The following CAMTA1 variants were observed in gnomAD, a reference collection of about 807,000 sequenced individuals.
CAMTA1 encodes calmodulin-binding transcription activator 1.
Under a neutral mutation model 170.9 loss-of-function variants are expected in CAMTA1, and 27 were observed. The observed-to-expected ratio is 0.16, with a 90% confidence interval of 0.12 to 0.22. The LOEUF is 0.22. Among genes scored for constraint, CAMTA1 ranks in the 10% least tolerant of loss-of-function variants. The pLI is 1.00. For missense variants in CAMTA1, 1,619 were observed against 2,217.2 expected, an observed-to-expected ratio of 0.73 and a Z score of 5.42; for synonymous variants, 833 against 891.5, an observed-to-expected ratio of 0.93 and a Z score of 1.17.
chr1:7,766,269 A>G (rs2097023930), intron 22 of CAMTA1, among the ~76,000 whole-genome samples, 190 bp from the exon 23 acceptor site: 1 of 151,014 alleles, frequency 6.6e-6, no homozygotes, highest in African/African-American at 2.4e-5. Context: ...TTTTCACCTT[A>G]AGTAGGGTCA....
At position 7,164,948 on chromosome 1, in the gene CAMTA1, C is replaced by T. The variant is rs577520359; in HGVS notation, c.302+73577C>T. On this transcript the variant is annotated intron_variant, in intron 4 of 22. Transcript: ENST00000303635. ...AGTATCCTGCATTAGAATGCTCGTC[C>T]CTTTGTCCCTTTCGGAATTGTCACT... Among the ~76,000 whole-genome samples the T allele has an allele frequency of 1.5e-3, 232 of 152,316 alleles. 2 individuals are homozygous for T. Among genetic ancestry groups the T allele is most frequent in the Non-Finnish European group, 3.1e-4 (21 of 68,034 alleles).
At position 7,663,342 on chromosome 1, in the gene CAMTA1, G is replaced by C. The variant is rs200922493; in HGVS notation, c.806-11G>C. ...CGTGTGCGTGCGCGTGTTGTGTTCC[G>C]ATCTCCGCAGGAGCTGGCGGCAGCG... On this transcript the variant is annotated splice_polypyrimidine_tract_variant and intron_variant, in intron 8 of 22. Transcript: ENST00000303635. 4 of 1,519,308 alleles carry C rather than the reference G, an allele frequency of 2.6e-6. No homozygotes were observed. The highest frequency in any genetic ancestry group is 3.5e-6 in the Non-Finnish European group (4 of 1,132,132). 94.1% of individuals were successfully genotyped at this position (1,519,308 alleles called of 1,614,324 possible). A position where few individuals can be genotyped will look rare whatever the true frequency, so the allele number is the denominator to read the frequency against.
rs1054603658 is a variant in CAMTA1, at chr1:7,682,910, G to A, written c.2914+5177G>A. 1.3e-5 allele frequency among the ~76,000 whole-genome samples: 2 copies of A among 152,216 alleles called. No individual in the cohort carries two copies. The highest frequency in any genetic ancestry group is 2.4e-5 in the African/African-American group (1 of 41,466). ...GAGTTGGCTGGGTGCGGTGGCTCAC[G>A]CCTGTGATCCCAGCACTTTGGGAGG... is the stretch of plus-strand genomic sequence containing the variant. On this transcript the variant is annotated intron_variant, in intron 11 of 22. Transcript: ENST00000303635. The surrounding 1 kb of genome is among the most constrained non-coding windows in gnomAD (Gnocchi z 5.0).
At chr1:7,449,778 A>AAAG (rs1191888393) in intron 5 of CAMTA1, among the ~76,000 whole-genome samples, 1 of 151,148 alleles carries the variant, frequency 6.6e-6, no homozygotes, top group East Asian at 1.9e-4. Flanking sequence ...TCAAAAAAAA[A>AAAG]AAAAAAAAAA....
intron 4 of CAMTA1, among the ~76,000 whole-genome samples, chr1:7,175,635 C>A (rs1464841839): frequency 6.6e-6 from 1 of 152,258 alleles, no homozygotes; most frequent in Non-Finnish European, 1.5e-5. Flanking sequence ...AACCCCAGGT[C>A]CAAATCCTGC....
intron 4 of CAMTA1, among the ~76,000 whole-genome samples, chr1:7,226,765 ATAAC>A (rs1661766687): frequency 6.6e-6 from 1 of 151,442 alleles, no homozygotes; most frequent in Admixed American, 6.6e-5. Flanking sequence ...ATTTTTTCTA[ATAAC>A]TATCTACTAT....
At chr1:6,803,462 A>T (rs1196632845) in intron 1 of CAMTA1, among the ~76,000 whole-genome samples, 11 of 152,200 alleles carry the variant, frequency 7.2e-5, no homozygotes, top group Non-Finnish European at 4.4e-5. Context: ...AAACAAAATT[A>T]TAGAAGACAG....
rs759514197 is a variant in CAMTA1, at chr1:7,751,292, C to T, written c.4783C>T (p.Arg1595Trp). 15 of 1,612,584 alleles carry T rather than the reference C, an allele frequency of 9.3e-6. No individual in the cohort carries two copies. The highest frequency in any genetic ancestry group is 5.3e-5 in the African/African-American group (4 of 74,814). Residue 1595 changes from arginine (R) to tryptophan (W), a missense_variant, in exon 20 of 23, where the codon CGG (arginine) becomes TGG (tryptophan). Arg to Trp is a moderately radical substitution (Grantham distance 101, BLOSUM62 -3). Transcript: ENST00000303635. ...YEQKKFQQSR[R>W]AAVLIQKYYR... ...ACAAAAAAAATTCCAGCAGAGCCGACGGGCTGCTGTGCTCATCCAAAAGTA... is the reference window on the plus strand; with the variant it reads ...ACAAAAAAAATTCCAGCAGAGCCGATGGGCTGCTGTGCTCATCCAAAAGTA...
At chr1:7,000,519 C>T (rs1024107762) in intron 3 of CAMTA1, among the ~76,000 whole-genome samples, 2 of 152,282 alleles carry the variant, frequency 1.3e-5, no homozygotes, top group Admixed American at 6.5e-5. Context: ...GGAAAACAAG[C>T]AGTGGAACAG....
intron 6 of CAMTA1, among the ~76,000 whole-genome samples, chr1:7,488,672 T>C (rs186055001): frequency 2.7e-4 from 41 of 152,246 alleles, no homozygotes; most frequent in African/African-American, 7.7e-4. Flanking sequence ...TATAAACACT[T>C]GCATACACAC....
chr1:7,368,573 C>G (rs1179508479), intron 5 of CAMTA1, among the ~76,000 whole-genome samples: 1 of 152,180 alleles, frequency 6.6e-6, no homozygotes, highest in Non-Finnish European at 1.5e-5. Context: ...GCCCCACCCC[C>G]ACTAGCACAG....
intron 3 of CAMTA1, among the ~76,000 whole-genome samples, chr1:6,857,806 A>C (rs746836318): frequency 3.9e-5 from 6 of 152,198 alleles, no homozygotes; most frequent in Non-Finnish European, 8.8e-5. Context: ...AAATCAAATC[A>C]TGTGCCGAGT....
rs1431613350 is a variant in CAMTA1 at position 7,286,731 on chromosome 1, A to G, written c.438+37105A>G. Among the ~76,000 whole-genome samples, 1 of 152,186 alleles carries G rather than the reference A, an allele frequency of 6.6e-6. No homozygotes were observed. The highest frequency in any genetic ancestry group is 1.5e-5 in the Non-Finnish European group (1 of 68,038). ...CAAATATCCCTGCCTAACAGTCAAC[A>G]AGTTAGAGATTTGGGGAGCTATTGA... is the stretch of plus-strand genomic sequence containing the variant. On this transcript the variant is annotated intron_variant, in intron 5 of 22. Coordinates refer to ENST00000303635, the MANE Select transcript of CAMTA1 (RefSeq NM_015215.4). This position sits in a 1 kb window ranked among gnomAD's most constrained non-coding sequence, Gnocchi z 4.2.
chr1:7,079,584 G>T (rs1204599192), intron 3 of CAMTA1, among the ~76,000 whole-genome samples: 2 of 151,480 alleles, frequency 1.3e-5, no homozygotes, highest in Non-Finnish European at 2.9e-5. Flanking sequence ...CGATTCTTGT[G>T]CCTCAGCCTC....
chr1:7,131,970 G>C (rs1048877538), intron 4 of CAMTA1, among the ~76,000 whole-genome samples: 1 of 151,912 alleles, frequency 6.6e-6, no homozygotes, highest in Non-Finnish European at 1.5e-5. Flanking sequence ...CAGGAGAATC[G>C]CCTGAACCTG....
At chr1:6,899,548 G>A (rs941057064) in intron 3 of CAMTA1, among the ~76,000 whole-genome samples, 64 of 89,772 alleles carry the variant, frequency 7.1e-4, no homozygotes, top group African/African-American at 2.0e-3. Flanking sequence ...ACGCGCACGC[G>A]CGCGCGCACA....
intron 4 of CAMTA1, among the ~76,000 whole-genome samples, chr1:7,155,660 A>G (rs1409885240): frequency 6.6e-6 from 1 of 151,786 alleles, no homozygotes. Flanking sequence ...TGAATTCTTG[A>G]GCTCAAGTGA....
At chr1:7,302,669 G>C (rs1278060452) in intron 5 of CAMTA1, among the ~76,000 whole-genome samples, 7 of 152,182 alleles carry the variant, frequency 4.6e-5, no homozygotes, top group African/African-American at 1.7e-4. Flanking sequence ...TTTCCCATTT[G>C]GAGCCCCTAT....
At position 7,358,357 on chromosome 1, in the gene CAMTA1, C is replaced by T. The variant is rs201635706; in HGVS notation, c.438+108731C>T. 3.1e-4 allele frequency among the ~76,000 whole-genome samples: 47 copies of T among 152,308 alleles called. No individual in the cohort carries two copies. The East Asian group carries it at 5.0e-3, about 16-fold the overall frequency. On this transcript the variant is annotated intron_variant, in intron 5 of 22. Coordinates refer to ENST00000303635, the MANE Select transcript of CAMTA1 (RefSeq NM_015215.4). ...CTAAAAATGGACTCCATTTATTTTACGAGAAGTCAGAGCATGTCAAGCTGC... is the reference window on the plus strand; with the variant it reads ...CTAAAAATGGACTCCATTTATTTTATGAGAAGTCAGAGCATGTCAAGCTGC...
Sources: gnomAD v4.1 joint callset for allele counts (sites outside exome capture counted in the v4.1 genomes callset) on GRCh38, gnomAD v4.1.1 for gene constraint, Gnocchi (gnomAD v3.1) non-coding constraint, MANE v1.5 for transcripts, NCBI Gene and HGNC (gene_info 2026-07-23, HGNC 2026-07-21) for gene names.